Variants in LPP observed in about 807,000 individuals in gnomAD.
LPP encodes lipoma-preferred partner.
LPP carries 38 observed loss-of-function variants against 60.4 expected under a neutral mutation model. The ratio of observed to expected loss-of-function variants is 0.63; its 90% confidence interval spans 0.49 to 0.83. The LOEUF is 0.83. LPP is among the 40% of genes least tolerant of loss of function. The pLI is 0.00. For missense variants in LPP, 902 were observed against 783.6 expected (o/e 1.15, Z -1.80); for synonymous variants, 328 against 290.8 (o/e 1.13, Z -1.30).
chr3:188,644,490 C>T (rs1434545613), intron 7 of LPP, among the ~76,000 whole-genome samples: 1 of 151,962 alleles, frequency 6.6e-6, no homozygotes, highest in Non-Finnish European at 1.5e-5. Flanking sequence ...AGAGAAACTC[C>T]TGAATTAATC....
intron 2 of LPP, among the ~76,000 whole-genome samples, chr3:188,276,035 T>C (rs1739558792): frequency 6.6e-6 from 1 of 152,208 alleles, no homozygotes; most frequent in Admixed American, 6.5e-5. Flanking sequence ...GTAGTTACCA[T>C]TTGAAAGACT....
At chr3:188,193,410 A>T (rs962103365) in intron 1 of LPP, among the ~76,000 whole-genome samples, 2 of 152,218 alleles carry the variant, frequency 1.3e-5, no homozygotes, top group African/African-American at 4.8e-5. Context: ...AACGGGAATG[A>T]TGATAATTGT....
intron 1 of LPP, among the ~76,000 whole-genome samples, chr3:188,206,460 A>G (rs1438174828): frequency 2.6e-5 from 4 of 152,198 alleles, no homozygotes; most frequent in African/African-American, 9.6e-5. Context: ...CTTCACAGAC[A>G]TTGTCTGACT....
intron 2 of LPP, among the ~76,000 whole-genome samples, chr3:188,287,363 G>A (rs75294411): frequency 1.7e-3 from 254 of 152,318 alleles, no homozygotes; most frequent in African/African-American, 6.0e-3. Flanking sequence ...GCTCCAGAAG[G>A]TCTCTATTTA....
At chr3:188,161,869 G>C (rs960354361) in intron 1 of LPP, among the ~76,000 whole-genome samples, 2 of 152,162 alleles carry the variant, frequency 1.3e-5, no homozygotes, top group African/African-American at 4.8e-5. Flanking sequence ...GAGTGTGTGT[G>C]GTCTGGCGAT....
intron 6 of LPP, among the ~76,000 whole-genome samples, chr3:188,581,035 G>A (rs1368833289): frequency 6.6e-6 from 1 of 151,966 alleles, no homozygotes; most frequent in African/African-American, 2.4e-5. Context: ...TTAATCACAT[G>A]TACAAAACAC....
intron 2 of LPP, among the ~76,000 whole-genome samples, chr3:188,290,836 C>T (rs142525687): frequency 6.6e-6 from 1 of 152,230 alleles, no homozygotes; most frequent in Admixed American, 6.5e-5. Flanking sequence ...CAAAGGTGGC[C>T]TGCTGGTTGG....
chr3:188,442,449 T>A (rs574441514), intron 4 of LPP, among the ~76,000 whole-genome samples: 1 of 152,346 alleles, frequency 6.6e-6, no homozygotes, highest in South Asian at 2.1e-4. Flanking sequence ...TAATGAAATG[T>A]TGCTACGTAT....
chr3:188,482,818 A>G (rs1560461298), intron 4 of LPP, among the ~76,000 whole-genome samples: 1 of 152,142 alleles, frequency 6.6e-6, no homozygotes, highest in Non-Finnish European at 1.5e-5. Flanking sequence ...GTTATTGAAC[A>G]TTTCTTATCC....
intron 2 of LPP, among the ~76,000 whole-genome samples, chr3:188,285,747 C>T (rs1236518241): frequency 6.6e-6 from 1 of 152,148 alleles, no homozygotes; most frequent in Non-Finnish European, 1.5e-5. Context: ...CACCAACAGC[C>T]TCCCTCCCAC....
intron 2 of LPP, among the ~76,000 whole-genome samples, chr3:188,314,379 TA>T (rs1210982297): frequency 2.0e-5 from 3 of 152,080 alleles, no homozygotes; most frequent in African/African-American, 7.2e-5. Context: ...TCATATATTC[TA>T]AAAAAATTTT....
At chr3:188,422,439 C>A (rs1788048993) in intron 4 of LPP, among the ~76,000 whole-genome samples, 1 of 152,094 alleles carries the variant, frequency 6.6e-6, no homozygotes, top group African/African-American at 2.4e-5. Flanking sequence ...GAACTGTGTT[C>A]AATACCCAAA....
At chr3:188,840,242 G>A (rs1049042611) in intron 9 of LPP, among the ~76,000 whole-genome samples, 3 of 151,976 alleles carry the variant, frequency 2.0e-5, no homozygotes, top group African/African-American at 7.3e-5. Flanking sequence ...TTGTATCTTT[G>A]TTCCGTTTAG....
At chr3:188,757,470 A>T (rs1730651779) in intron 8 of LPP, among the ~76,000 whole-genome samples, 1 of 152,162 alleles carries the variant, frequency 6.6e-6, no homozygotes, top group African/African-American at 2.4e-5. Flanking sequence ...TCCAGGTATT[A>T]CACTTCGGGC....
chr3:188,624,555 C>G (rs1044850251), intron 7 of LPP, among the ~76,000 whole-genome samples: 3 of 152,144 alleles, frequency 2.0e-5, no homozygotes, highest in Admixed American at 1.3e-4. Flanking sequence ...TTGGGAGAAC[C>G]ATGGAAGTGC....
intron 9 of LPP, among the ~76,000 whole-genome samples, chr3:188,864,175 G>T (rs368272746): frequency 6.6e-6 from 1 of 152,120 alleles, no homozygotes; most frequent in South Asian, 2.1e-4. Context: ...GTTTCCATGC[G>T]TTTAGACTGT....
At chr3:188,173,075 C>T (rs1178704615) in intron 1 of LPP, among the ~76,000 whole-genome samples, 1 of 152,132 alleles carries the variant, frequency 6.6e-6, no homozygotes, top group Non-Finnish European at 1.5e-5. Flanking sequence ...CACTGTGTTG[C>T]CCAGGCTGGT....
intron 2 of LPP, among the ~76,000 whole-genome samples, chr3:188,301,980 G>GA (rs11429776): frequency 0.18 from 26,401 of 144,490 alleles, 3,309 homozygotes; most frequent in African/African-American, 0.37. Context: ...TAAAAAAAAA[G>GA]AAAAAAAAAA....
At chr3:188,155,831 T>C (rs557283605) in intron 1 of LPP, among the ~76,000 whole-genome samples, 1 of 152,162 alleles carries the variant, frequency 6.6e-6, no homozygotes, top group East Asian at 1.9e-4. Context: ...CTGGGCAACA[T>C]GGCAAAACCC....
Sources: allele counts gnomAD v4.1 joint callset (sites outside exome capture counted in the v4.1 genomes callset), GRCh38; gene constraint gnomAD v4.1.1; transcripts MANE v1.5; gene names NCBI Gene and HGNC (gene_info 2026-07-23, HGNC 2026-07-21).